Variants in KLRB1 observed in about 807,000 individuals in gnomAD.
KLRB1 encodes the protein killer cell lectin like receptor B1.
A neutral mutation model predicts 33.5 loss-of-function variants in KLRB1; 27 were observed. That is an observed-to-expected ratio of 0.81 (90% CI 0.59 to 1.11). The LOEUF is 1.11. KLRB1 is among the 50% of genes most tolerant of loss of function. The pLI is 0.00. For synonymous variants in KLRB1, 64 were observed against 88.9 expected, an observed-to-expected ratio of 0.72 and a Z score of 1.58; for missense variants, 241 against 254.1, an observed-to-expected ratio of 0.95 and a Z score of 0.35.
intron 5 of KLRB1, among the ~76,000 whole-genome samples, chr12:9,597,616 TC>T (rs1230403422): frequency 6.6e-6 from 1 of 152,150 alleles, no homozygotes; most frequent in Non-Finnish European, 1.5e-5. Context: ...GTGTCTGGGT[TC>T]CACACTCTGA....
chr12:9,603,398 G>A (rs1445891871), intron 1 of KLRB1, among the ~76,000 whole-genome samples: 2 of 151,822 alleles, frequency 1.3e-5, no homozygotes, highest in East Asian at 3.9e-4. Flanking sequence ...GCTCTGTATA[G>A]TCACTATTTT....
Position 9,598,574 on chromosome 12 carries a change from G to A in KLRB1, c.339C>T (p.Asn113=). Residue 113 remains asparagine (N), a synonymous_variant, in exon 4 of 6, where the codon AAC becomes AAT. Coordinates refer to ENST00000229402, the MANE Select transcript of KLRB1 (RefSeq NM_002258.3). ...AATCAGCTAGACTGTTATTCCAAGG[G>A]TTGACAGTGTGAGAAAATAACAAGC... is the stretch of plus-strand genomic sequence containing the variant. ...EKCLLFSHTV[N]PWNNSLADCS... 1 of 1,612,850 alleles carries A rather than the reference G, an allele frequency of 6.2e-7. No homozygotes were observed. The highest frequency in any genetic ancestry group is 8.5e-7 in the Non-Finnish European group (1 of 1,179,018).
At chr12:9,607,339 T>TCTTTCTTTCTTCCTTCCTTC (rs1864623198) in intron 1 of KLRB1, among the ~76,000 whole-genome samples, 7 of 61,264 alleles carry the variant, frequency 1.1e-4, no homozygotes, top group East Asian at 5.9e-4. Flanking sequence ...TTCTTTCCTT[T>TCTTTCTTTCTTCCTTCCTTC]CTTTCTTTCT....
intron 1 of KLRB1, among the ~76,000 whole-genome samples, chr12:9,601,985 T>C (rs1013435716): frequency 3.3e-5 from 5 of 152,214 alleles, no homozygotes; most frequent in African/African-American, 1.2e-4. Flanking sequence ...AGGAAGACCT[T>C]CATTTAGTCA....
At chr12:9,599,730 A>T in intron 3 of KLRB1, 37 bp downstream of exon 3, 1 of 1,236,644 alleles carries the variant, frequency 8.1e-7, no homozygotes, top group Non-Finnish European at 1.2e-6. Context: ...ACCAAATATT[A>T]ACAGTTATTC....
chr12:9,601,680 G>T, intron 1 of KLRB1, 81 bp from the exon 2 acceptor site: 3 of 897,670 alleles, frequency 3.3e-6, no homozygotes, highest in Non-Finnish European at 1.8e-6. Context: ...GAGTACATCT[G>T]GCACAAAAAT....
intron 2 of KLRB1, 71 bp from the exon 3 acceptor site, chr12:9,599,912 A>G: frequency 2.4e-6 from 2 of 837,668 alleles, no homozygotes; most frequent in Non-Finnish European, 4.1e-6. Flanking sequence ...TATATTTGTT[A>G]CTTTAGGAAA....
Position 9,595,391 on chromosome 12 carries a change from G to A in KLRB1, c.561C>T (p.Asn187=), listed in dbSNP as rs1864483565. The A allele has an allele frequency of 6.2e-7, 1 of 1,612,826 alleles. No homozygotes were observed. Among genetic ancestry groups the A allele is most frequent in the Non-Finnish European group, 8.5e-7 (1 of 1,179,572 alleles). ...DLEIRGDAKE[N]SCISISQTSV... Reference sequence around the variant, plus strand: ...ATGTCTGTGAGATGGAAATACAGCTGTTTTCTTTAGCATCACCTCTAATTT... The same window carrying A: ...ATGTCTGTGAGATGGAAATACAGCTATTTTCTTTAGCATCACCTCTAATTT... The change falls in exon 6 of 6, where the codon AAC becomes AAT. Residue 187 remains asparagine (N), a synonymous_variant. Coordinates refer to ENST00000229402, the MANE Select transcript of KLRB1 (RefSeq NM_002258.3).
chr12:9,595,589 A>T (rs1392341060), intron 5 of KLRB1, among the ~76,000 whole-genome samples, 168 bp from the exon 6 acceptor site: 1 of 152,174 alleles, frequency 6.6e-6, no homozygotes, highest in East Asian at 1.9e-4. Context: ...GATAGAGCTA[A>T]TGTAAACCTC....
intron 1 of KLRB1, among the ~76,000 whole-genome samples, chr12:9,605,691 A>G (rs1864592144): frequency 6.6e-6 from 1 of 152,256 alleles, no homozygotes; most frequent in African/African-American, 2.4e-5. Flanking sequence ...CGTGCTTGCT[A>G]CAGAGTGACC....
intron 3 of KLRB1, among the ~76,000 whole-genome samples, chr12:9,599,010 T>G (rs983050577): frequency 6.6e-6 from 1 of 152,242 alleles, no homozygotes; most frequent in South Asian, 2.1e-4. Context: ...CTTCTCAGTT[T>G]CCTTAAATTC....
intron 5 of KLRB1, 142 bp downstream of exon 5, chr12:9,597,904 A>G (rs1864506249): frequency 5.6e-6 from 3 of 536,814 alleles, no homozygotes; most frequent in Admixed American, 3.8e-5. Context: ...CAACTTTGAA[A>G]TCATCCATGT....
intron 2 of KLRB1, 108 bp downstream of exon 2, chr12:9,601,393 A>G: frequency 1.4e-6 from 1 of 708,374 alleles, no homozygotes; most frequent in Admixed American, 2.5e-5. Context: ...CCACCTTACG[A>G]GAAACACCCA....
intron 1 of KLRB1, among the ~76,000 whole-genome samples, chr12:9,606,753 TA>T (rs1272298197): frequency 3.9e-4 from 11 of 27,904 alleles, no homozygotes; most frequent in East Asian, 2.3e-3. Context: ...TATATATATA[TA>T]TATATATTTT....
Position 9,598,516 on chromosome 12 carries a change from G to A in KLRB1, c.397C>T (p.Arg133Ter), listed in dbSNP as rs767978899. The A allele has an allele frequency of 9.9e-6, 16 of 1,609,636 alleles. No individual in the cohort carries two copies. The highest frequency in any genetic ancestry group is 1.7e-4 in the Middle Eastern group (1 of 6,050). The change falls in exon 4 of 6, where the codon CGA becomes TGA. Residue 133 changes from arginine to a stop codon, truncating the protein, a stop_gained. Transcript: ENST00000229402. LOFTEE classifies it high-confidence loss of function. ...TGATTTACCAATTCATCCTTATCTC[G>A]AATAAGCAGCAGGCTGGATTCTTTG... ...STKESSLLLI[R>*]DKDELIHTQN...
intron 1 of KLRB1, among the ~76,000 whole-genome samples, chr12:9,607,335 C>CCTTTCTTTCTTTCTGTCTTT (rs1864622300): frequency 1.5e-5 from 1 of 65,170 alleles, no homozygotes; most frequent in East Asian, 6.3e-4. Context: ...CTCTTTCTTT[C>CCTTTCTTTCTTTCTGTCTTT]CTTTCTTTCT....
At chr12:9,604,995 CA>C (rs1337828141) in intron 1 of KLRB1, among the ~76,000 whole-genome samples, 1 of 152,098 alleles carries the variant, frequency 6.6e-6, no homozygotes. Flanking sequence ...TCCCTACCCC[CA>C]CCCCACAACA....
At chr12:9,597,714 T>C (rs58952991) in intron 5 of KLRB1, among the ~76,000 whole-genome samples, 1 of 152,298 alleles carries the variant, frequency 6.6e-6, no homozygotes, top group East Asian at 1.9e-4. Flanking sequence ...TTCCCACAGT[T>C]TGAAAAATAC....
intron 1 of KLRB1, among the ~76,000 whole-genome samples, chr12:9,606,887 G>A (rs1864612373): frequency 6.6e-6 from 1 of 150,584 alleles, no homozygotes; most frequent in Non-Finnish European, 1.5e-5. Context: ...CTCCCGAGTA[G>A]CTAGGACCAC....
Sources: allele counts gnomAD v4.1 joint callset (sites outside exome capture counted in the v4.1 genomes callset), GRCh38; gene constraint gnomAD v4.1.1; transcripts MANE v1.5; gene names NCBI Gene and HGNC (gene_info 2026-07-23, HGNC 2026-07-21).